PRKAR1B: variants seen among roughly 807,000 people sequenced by gnomAD.
PRKAR1B encodes cAMP-dependent protein kinase type I-beta regulatory subunit.
In PRKAR1B, 22 loss-of-function variants were observed where a neutral mutation model predicts 46.5. That is an observed-to-expected ratio of 0.47 (90% CI 0.34 to 0.68). The LOEUF (loss-of-function observed/expected upper bound fraction) is 0.68, where lower values mean the gene tolerates loss of function less well. Among genes scored for constraint, PRKAR1B ranks in the 30% least tolerant of loss-of-function variants. PRKAR1B has a pLI of 0.01. For synonymous variants in PRKAR1B, 259 were observed against 217.7 expected (o/e 1.19, Z -1.67); for missense variants, 445 against 535.6 (o/e 0.83, Z 1.67).
intron 4 of PRKAR1B, among the ~76,000 whole-genome samples, chr7:658,933 G>A (rs768828794): frequency 6.6e-6 from 1 of 152,132 alleles, no homozygotes; most frequent in Non-Finnish European, 1.5e-5. Context: ...TTATAGACAT[G>A]AGCCACCGTG....
intron 4 of PRKAR1B, among the ~76,000 whole-genome samples, chr7:642,102 G>A (rs988312876): frequency 6.6e-6 from 1 of 151,966 alleles, no homozygotes; most frequent in African/African-American, 2.4e-5. Flanking sequence ...TGCTATGTTG[G>A]CTAGGCTGGT....
intron 10 of PRKAR1B, among the ~76,000 whole-genome samples, chr7:551,076 AG>A (rs1038885741): frequency 6.6e-6 from 1 of 151,984 alleles, no homozygotes; most frequent in Non-Finnish European, 1.5e-5. Context: ...CCCCAGCTGC[AG>A]GAATGCTGGT....
chr7:678,742 C>T (rs1205024745), intron 3 of PRKAR1B, among the ~76,000 whole-genome samples: 1 of 152,226 alleles, frequency 6.6e-6, no homozygotes, highest in African/African-American at 2.4e-5. Context: ...CTTTGAGAGA[C>T]AGCAATGAAA....
chr7:691,117 A>G (rs1242064530), intron 2 of PRKAR1B, among the ~76,000 whole-genome samples: 1 of 145,186 alleles, frequency 6.9e-6, no homozygotes, highest in African/African-American at 2.6e-5. Flanking sequence ...GCCCACCCAC[A>G]CTGGCCAGTC....
chr7:599,769 GGGAGGCACA>G (rs1781487983), intron 6 of PRKAR1B, among the ~76,000 whole-genome samples: 2 of 151,368 alleles, frequency 1.3e-5, no homozygotes, highest in African/African-American at 4.9e-5. Context: ...CAGGAGCTGG[GGGAGGCACA>G]TGGGCAGGCC....
chr7:644,895 C>T lies in PRKAR1B; in HGVS notation c.440+32334G>A, dbSNP rs184404843. Among the ~76,000 whole-genome samples the T allele has an allele frequency of 6.6e-6, 1 of 152,274 alleles. No individual in the cohort carries two copies. Among genetic ancestry groups the T allele is most frequent in the Admixed American group, 6.5e-5 (1 of 15,300 alleles). ...AGTCCTGGGCCTGCTCAGAGGCCGCCCAGGCCACCCCGTCTCACGATGGGG... is the reference window on the plus strand; with the variant it reads ...AGTCCTGGGCCTGCTCAGAGGCCGCTCAGGCCACCCCGTCTCACGATGGGG... On this transcript the variant is annotated intron_variant, in intron 4 of 10. Coordinates refer to ENST00000537384, the MANE Select transcript of PRKAR1B (RefSeq NM_001164760.2). This position sits in a 1 kb window ranked among gnomAD's most constrained non-coding sequence, Gnocchi z 4.9.
intron 9 of PRKAR1B, among the ~76,000 whole-genome samples, chr7:572,038 C>T (rs1779549176): frequency 6.6e-6 from 1 of 150,690 alleles, no homozygotes; most frequent in Admixed American, 6.6e-5. Flanking sequence ...ATTTAGAGCT[C>T]CTGGGGCCTG....
intron 2 of PRKAR1B, among the ~76,000 whole-genome samples, chr7:686,335 T>C (rs146349621): frequency 2.4e-4 from 37 of 152,022 alleles, no homozygotes; most frequent in African/African-American, 8.9e-4. Flanking sequence ...AAGAATACAG[T>C]TCACAATGAA....
intron 6 of PRKAR1B, among the ~76,000 whole-genome samples, chr7:600,597 C>A (rs916006651): frequency 2.0e-5 from 3 of 152,210 alleles, no homozygotes; most frequent in Non-Finnish European, 4.4e-5. Flanking sequence ...GGGGTACACC[C>A]AGCTGCCTGG....
intron 4 of PRKAR1B, among the ~76,000 whole-genome samples, chr7:633,882 T>G (rs148638431): frequency 6.6e-6 from 1 of 152,290 alleles, no homozygotes; most frequent in East Asian, 1.9e-4. Context: ...GTAAACCACC[T>G]GCCTGGGCTC....
intron 7 of PRKAR1B, 60 bp from the exon 8 acceptor site, chr7:584,628 G>T: frequency 7.1e-7 from 1 of 1,409,912 alleles, no homozygotes; most frequent in African/African-American, 1.4e-5. Context: ...GGATCATCCT[G>T]ACGTTTCCAG....
chr7:680,169 AAAAAAAAAAG>A (rs1219392399), intron 3 of PRKAR1B, among the ~76,000 whole-genome samples: 2 of 150,804 alleles, frequency 1.3e-5, no homozygotes, highest in East Asian at 1.9e-4. Context: ...AAAAAAAAAA[AAAAAAAAAAG>A]AGAGAGACCA....
At chr7:551,690 C>A (rs1784214475) in intron 9 of PRKAR1B, among the ~76,000 whole-genome samples, 1 of 150,108 alleles carries the variant, frequency 6.7e-6, no homozygotes, top group Non-Finnish European at 1.5e-5. Context: ...CCACCCAAAC[C>A]CCCATGTCCT....
rs528025559 is a variant in PRKAR1B, at chr7:602,620, G to A, written c.549+3573C>T. The stretch of plus-strand genomic sequence containing the variant: ...CGCTGGGGCAGGAGGGTGGCCACCC[G>A]CGCTGAAGATGAGGACAAGCCCGGG... On this transcript the variant is annotated intron_variant, in intron 6 of 10. Transcript: ENST00000537384. This position sits in a 1 kb window ranked among gnomAD's most constrained non-coding sequence, Gnocchi z 6.4. 43 of 169,758 alleles carry A rather than the reference G, an allele frequency of 2.5e-4. No homozygotes were observed. Among genetic ancestry groups the A allele is most frequent in the South Asian group, 1.6e-3 (8 of 4,992 alleles). The allele number at this position is 169,758 out of a possible 1,614,324, so 10.5% of individuals were successfully genotyped here.
intron 9 of PRKAR1B, among the ~76,000 whole-genome samples, chr7:552,771 G>C (rs1025786650): frequency 2.0e-5 from 3 of 152,224 alleles, no homozygotes; most frequent in African/African-American, 7.2e-5. Flanking sequence ...CAGGGCTGCC[G>C]GTCTCCAAGC....
chr7:711,403 T>TA lies in PRKAR1B; in HGVS notation c.102dup (p.Ile35TyrfsTer45). 6.2e-7 allele frequency: 1 copy of TA among 1,614,212 alleles called. No individual in the cohort carries two copies. Among genetic ancestry groups the TA allele is most frequent in the Non-Finnish European group, 8.5e-7 (1 of 1,180,016 alleles). ...GGCTTGGAGATGCAGAGGTGGACGA[T>TA]ACAGTCTTTGAGGACCTGCTGGATC... On this transcript the variant is annotated frameshift_variant, in exon 2 of 11. Coordinates refer to ENST00000537384, the MANE Select transcript of PRKAR1B (RefSeq NM_001164760.2). LOFTEE classifies it high-confidence loss of function.
intron 2 of PRKAR1B, among the ~76,000 whole-genome samples, chr7:690,436 A>G (rs1380373874): frequency 3.3e-5 from 5 of 152,030 alleles, no homozygotes; most frequent in African/African-American, 4.8e-5. Context: ...AAACCTGCAC[A>G]CGTACCCCCA....
At chr7:594,896 G>T (rs1412211600) in intron 7 of PRKAR1B, among the ~76,000 whole-genome samples, 1 of 152,074 alleles carries the variant, frequency 6.6e-6, no homozygotes, top group Admixed American at 6.5e-5. Flanking sequence ...AAACTATGAG[G>T]GTCCCCAGAC....
chr7:605,973 G>A (rs573399726), intron 6 of PRKAR1B, among the ~76,000 whole-genome samples: 265 of 152,298 alleles, frequency 1.7e-3, no homozygotes, highest in African/African-American at 5.9e-3. Flanking sequence ...ACCTGAGGCC[G>A]CTGCCGGCAC....
Sources: allele counts gnomAD v4.1 joint callset (sites outside exome capture counted in the v4.1 genomes callset), GRCh38; gene constraint gnomAD v4.1.1; non-coding constraint Gnocchi (gnomAD v3.1); transcripts MANE v1.5; gene names NCBI Gene and HGNC (gene_info 2026-07-23, HGNC 2026-07-21).